Variants in SERBP1 observed in about 807,000 individuals in gnomAD.
SERBP1 encodes SERPINE1 mRNA binding protein 1, also known as SERPINE1 mRNA-binding protein 1.
SERBP1 carries 6 observed loss-of-function variants against 50.2 expected under a neutral mutation model. The observed-to-expected ratio is 0.12, with a 90% CI of 0.07 to 0.24. SERBP1 has a LOEUF of 0.24. Among genes scored for constraint, SERBP1 ranks in the 10% least tolerant of loss-of-function variants. The pLI is 1.00. For synonymous variants in SERBP1, 168 were observed against 182.8 expected (o/e 0.92, Z 0.65); for missense variants, 346 against 524.9 (o/e 0.66, Z 3.33).
At chr1:67,415,427 C>A (rs950048010) in intron 6 of SERBP1, 88 bp from the exon 7 acceptor site, 5 of 1,281,574 alleles carry the variant, frequency 3.9e-6, no homozygotes, top group Admixed American at 2.6e-5. Flanking sequence ...CTAAAAAAAA[C>A]CAAAAATCCA....
In SERBP1 at chr1:67,409,415, A is replaced by ACACC. The variant is rs1557496032; in HGVS notation, c.*3791_*3792insGGTG. ...CACACACACACACACACACACACACACACACCCCCACACACACCAGGTCAC... is the reference window on the plus strand; with the variant it reads ...CACACACACACACACACACACACACACACCCACACCCCCACACACACCAGGTCAC... On this transcript the variant is annotated 3_prime_UTR_variant, in exon 8 of 8. Transcript: ENST00000361219. The ACACC allele has an allele frequency of 1.6e-5, 2 of 125,444 alleles. No individual in the cohort carries two copies. The highest frequency in any genetic ancestry group is 3.1e-5 in the Non-Finnish European group (2 of 63,980). 7.8% of individuals were successfully genotyped at this position (125,444 alleles called of 1,614,324 possible).
chr1:67,413,545 A>T (rs1008764845), intron 7 of SERBP1, among the ~76,000 whole-genome samples: 19 of 151,178 alleles, frequency 1.3e-4, no homozygotes, highest in Admixed American at 3.3e-4. Flanking sequence ...ACTACTCAAG[A>T]GGCTGAGGCA....
At chr1:67,418,003 T>A (rs1667079451) in intron 6 of SERBP1, among the ~76,000 whole-genome samples, 1 of 111,628 alleles carries the variant, frequency 9.0e-6, no homozygotes, top group African/African-American at 3.4e-5. Flanking sequence ...TTTGAGACAG[T>A]CTTGCTCTGT....
In SERBP1 at chr1:67,412,990, A is replaced by G. The variant is rs1666889378; in HGVS notation, c.*217T>C. The G allele has an allele frequency of 1.7e-6, 1 of 575,840 alleles. No homozygotes were observed. 35.7% of individuals were successfully genotyped at this position (575,840 alleles called of 1,614,324 possible). On this transcript the variant is annotated 3_prime_UTR_variant, in exon 8 of 8. Transcript: ENST00000361219. ...AATTATGAAAACATCCCTGCTACCA[A>G]TACATTTCTAAATACAAAACTGACT...
At chr1:67,426,018 G>A (rs1667362201) in intron 2 of SERBP1, 117 bp downstream of exon 2, 1 of 840,640 alleles carries the variant, frequency 1.2e-6, no homozygotes, top group South Asian at 1.9e-5. Flanking sequence ...AGGAGACTGA[G>A]ATGAGAGGAT....
Position 67,425,273 on chromosome 1 carries a change from A to C in SERBP1, c.465-50T>G. The C allele has an allele frequency of 2.7e-6, 4 of 1,508,334 alleles. No homozygotes were observed. In the African/African-American group the frequency reaches 5.6e-5, roughly 21 times the overall value. The allele number at this position is 1,508,334 out of a possible 1,614,324, so 93.4% of individuals were successfully genotyped here. On this transcript the variant is annotated intron_variant, in intron 2 of 7. Transcript: ENST00000361219. ...ACTTCCATGGTTTCCAGAAGAAATGAGGAAAATTCATCCAAAAGATCAAAA... is the reference window on the plus strand; with the variant it reads ...ACTTCCATGGTTTCCAGAAGAAATGCGGAAAATTCATCCAAAAGATCAAAA...
At chr1:67,424,779 C>A (rs1667315840) in intron 4 of SERBP1, 109 bp downstream of exon 4, 4 of 828,242 alleles carry the variant, frequency 4.8e-6, no homozygotes, top group South Asian at 1.6e-5. Flanking sequence ...AATATAGTAA[C>A]TCTCAGAAGA....
Position 67,420,181 on chromosome 1 carries a change from T to C in SERBP1, c.779A>G (p.Asn260Ser). ...CTCCTCTTTTACCTCTTCAACTTCA[T>C]TCTCCCTGTGAAAAGGTTTTCAAGT... ...HPVADTENKE[N>S]EVEEVKEEGP... Residue 260 changes from asparagine to serine, a missense_variant, in exon 6 of 8, where the codon AAT (asparagine) becomes AGT (serine). Asn to Ser is a conservative substitution (Grantham distance 46, BLOSUM62 1). Around this residue, in one of 5 missense-constraint regions of SERBP1, gnomAD observed 257 missense variants for 331.2 expected, o/e 0.78. Coordinates refer to ENST00000361219, the MANE Select transcript of SERBP1 (RefSeq NM_001018069.2). 6.2e-7 allele frequency: 1 copy of C among 1,607,434 alleles called. No homozygotes were observed. Among genetic ancestry groups the C allele is most frequent in the Non-Finnish European group, 8.5e-7 (1 of 1,178,096 alleles).
At chr1:67,416,126 C>T (rs1020465931) in intron 6 of SERBP1, among the ~76,000 whole-genome samples, 1 of 151,912 alleles carries the variant, frequency 6.6e-6, no homozygotes, top group Non-Finnish European at 1.5e-5. Context: ...GATCCTCCCA[C>T]CTCAGCCTCC....
rs1349024584 is a variant in SERBP1, at chr1:67,413,054, TTTTAAAACAGATAAAA to T, written c.*137_*152del. ...CTTCTGTGTAGCGGGAGAAGTTCAT[TTTTAAAACAGATAAAA>T]TTCAGTCTTTAGGTGTGAATGGTAT... On this transcript the variant is annotated 3_prime_UTR_variant, in exon 8 of 8. Transcript: ENST00000361219. 9.6e-7 allele frequency: 1 copy of T among 1,041,224 alleles called. No individual in the cohort carries two copies. The highest frequency in any genetic ancestry group is 1.7e-5 in the African/African-American group (1 of 58,232). 64.5% of individuals were successfully genotyped at this position (1,041,224 alleles called of 1,614,324 possible). A position where few individuals can be genotyped will look rare whatever the true frequency, so the allele number is the denominator to read the frequency against.
At position 67,422,270 on chromosome 1, in the gene SERBP1, T is replaced by C. The variant is rs544676134; in HGVS notation, c.773+1930A>G. Among the ~76,000 whole-genome samples the C allele has an allele frequency of 2.6e-5, 4 of 152,262 alleles. No homozygotes were observed. The South Asian group carries it at 8.3e-4, about 32-fold the overall frequency. On this transcript the variant is annotated intron_variant, in intron 5 of 7. Coordinates refer to ENST00000361219, the MANE Select transcript of SERBP1 (RefSeq NM_001018069.2). ...AGCTCACGCCTGTAATCCCAGCACTTTGGGAGGCCAAGGAGGGCAGATCAC... is the reference window on the plus strand; with the variant it reads ...AGCTCACGCCTGTAATCCCAGCACTCTGGGAGGCCAAGGAGGGCAGATCAC...
chr1:67,410,016 T>C lies in SERBP1; in HGVS notation c.*3191A>G, dbSNP rs1424585771. ...AATCCAAAACGTCTGGGTTATAATC[T>C]ATTTTCTAAGTGTTTACTTTAGAAA... On this transcript the variant is annotated 3_prime_UTR_variant, in exon 8 of 8. Coordinates refer to ENST00000361219, the MANE Select transcript of SERBP1 (RefSeq NM_001018069.2). 1 of 152,244 alleles carries C rather than the reference T, an allele frequency of 6.6e-6. No homozygotes were observed. The highest frequency in any genetic ancestry group is 1.5e-5 in the Non-Finnish European group (1 of 68,038). 9.4% of individuals were successfully genotyped at this position (152,244 alleles called of 1,614,324 possible).
chr1:67,421,343 A>C (rs1478547419), intron 5 of SERBP1, among the ~76,000 whole-genome samples: 1 of 152,202 alleles, frequency 6.6e-6, no homozygotes, highest in Non-Finnish European at 1.5e-5. Context: ...ACCTTTCAGG[A>C]ATTACTGCAA....
At position 67,408,106 on chromosome 1, in the gene SERBP1, C is replaced by T. The variant is rs1279081986; in HGVS notation, c.*5101G>A. 6.6e-6 allele frequency: 1 copy of T among 152,108 alleles called. No homozygotes were observed. The highest frequency in any genetic ancestry group is 1.5e-5 in the Non-Finnish European group (1 of 68,034). The allele number at this position is 152,108 out of a possible 1,614,324, so 9.4% of individuals were successfully genotyped here. Reference sequence around the variant, plus strand: ...CCCTACTCAGTAATACATAAAAATCCTTAATATTAGCCCTTCACTTTCCAT... The same window carrying T: ...CCCTACTCAGTAATACATAAAAATCTTTAATATTAGCCCTTCACTTTCCAT... On this transcript the variant is annotated 3_prime_UTR_variant, in exon 8 of 8. Coordinates refer to ENST00000361219, the MANE Select transcript of SERBP1 (RefSeq NM_001018069.2).
In SERBP1 at chr1:67,430,360, C is replaced by G. The variant is rs933333995; in HGVS notation, c.-60G>C. Reference sequence around the variant, plus strand: ...GCAGCGGGCCGCGCCGAGCCAAGAGCGCCTGCTTCAGCTCTTCCCACAAGA... The same window carrying G: ...GCAGCGGGCCGCGCCGAGCCAAGAGGGCCTGCTTCAGCTCTTCCCACAAGA... On this transcript the variant is annotated 5_prime_UTR_variant, in exon 1 of 8. Coordinates refer to ENST00000361219, the MANE Select transcript of SERBP1 (RefSeq NM_001018069.2). 8.1e-6 allele frequency: 12 copies of G among 1,474,048 alleles called. No individual in the cohort carries two copies. The highest frequency in any genetic ancestry group is 4.8e-5 in the East Asian group (2 of 41,684). The allele number at this position is 1,474,048 out of a possible 1,614,324, so 91.3% of individuals were successfully genotyped here. A position where few individuals can be genotyped will look rare whatever the true frequency, so the allele number is the denominator to read the frequency against.
At chr1:67,426,561 C>G (rs1246312250) in intron 1 of SERBP1, among the ~76,000 whole-genome samples, 1 of 152,172 alleles carries the variant, frequency 6.6e-6, no homozygotes, top group Non-Finnish European at 1.5e-5. Flanking sequence ...GCCAAGTTCT[C>G]CCCCTCAAAA....
chr1:67,414,322 A>C (rs986792687), intron 7 of SERBP1, among the ~76,000 whole-genome samples: 17 of 151,824 alleles, frequency 1.1e-4, no homozygotes, highest in Non-Finnish European at 2.2e-4. Context: ...TAACAGAACT[A>C]AAAAAGAAAG....
rs1264200348 is a variant in SERBP1 at position 67,409,430 on chromosome 1, C to CACACACACACACACACACACACA, written c.*3776_*3777insTGTGTGTGTGTGTGTGTGTGTGT. Reference sequence around the variant, plus strand: ...ACACACACACACACACCCCCACACACACCAGGTCACAGGCTGAACTTTGCT... The same window carrying CACACACACACACACACACACACA: ...ACACACACACACACACCCCCACACACACACACACACACACACACACACAACCAGGTCACAGGCTGAACTTTGCT... On this transcript the variant is annotated 3_prime_UTR_variant, in exon 8 of 8. Transcript: ENST00000361219. 7 of 148,348 alleles carry CACACACACACACACACACACACA rather than the reference C, an allele frequency of 4.7e-5. No homozygotes were observed. The highest frequency in any genetic ancestry group is 1.8e-4 in the African/African-American group (7 of 38,944). The allele number at this position is 148,348 out of a possible 1,614,324, so 9.2% of individuals were successfully genotyped here. A position where few individuals can be genotyped will look rare whatever the true frequency, so the allele number is the denominator to read the frequency against.
rs1179087971 is a variant in SERBP1, at chr1:67,410,050, G to C, written c.*3157C>G. The C allele has an allele frequency of 1.3e-5, 2 of 152,142 alleles. No individual in the cohort carries two copies. Among genetic ancestry groups the C allele is most frequent in the Non-Finnish European group, 2.9e-5 (2 of 68,012 alleles). 9.4% of individuals were successfully genotyped at this position (152,142 alleles called of 1,614,324 possible). A position where few individuals can be genotyped will look rare whatever the true frequency, so the allele number is the denominator to read the frequency against. On this transcript the variant is annotated 3_prime_UTR_variant, in exon 8 of 8. Transcript: ENST00000361219. ...AGTGTTTACTTTAGAAAGTAAAATT[G>C]CATGCACCTGAGATCCCTGGAATTT...
Sources: gnomAD v4.1 joint callset for allele counts (sites outside exome capture counted in the v4.1 genomes callset) on GRCh38, gnomAD v4.1.1 for gene constraint, gnomAD v4.1.1 regional missense constraint, MANE v1.5 for transcripts, NCBI Gene and HGNC (gene_info 2026-07-23, HGNC 2026-07-21) for gene names.